ZDHHC21: variants seen among roughly 807,000 people sequenced by gnomAD.
ZDHHC21 encodes zDHHC palmitoyltransferase 21.
A neutral mutation model predicts 34.6 loss-of-function variants in ZDHHC21; 15 were observed. The ratio of observed to expected loss-of-function variants is 0.43; its 90% CI spans 0.29 to 0.67. The LOEUF (loss-of-function observed/expected upper bound fraction) is 0.67. Among genes scored for constraint, ZDHHC21 ranks in the 30% least tolerant of loss-of-function variants. ZDHHC21 has a pLI of 0.14. For missense variants in ZDHHC21, 344 were observed against 327.7 expected (o/e 1.05, Z -0.38); for synonymous variants, 142 against 101.8 (o/e 1.40, Z -2.38).
chr9:14,688,322 G>A (rs942517801), intron 2 of ZDHHC21, among the ~76,000 whole-genome samples: 7 of 150,876 alleles, frequency 4.6e-5, no homozygotes, highest in East Asian at 1.9e-4. Context: ...ACAGGGGAGC[G>A]AAGGAGAGAG....
intron 1 of ZDHHC21, among the ~76,000 whole-genome samples, chr9:14,692,609 A>T (rs2131739552): frequency 7.0e-6 from 1 of 142,956 alleles, no homozygotes; most frequent in South Asian, 2.5e-4. Flanking sequence ...ACTTAAATGG[A>T]CTCTGCAGTT....
chr9:14,666,051 G>A (rs1247773631), intron 5 of ZDHHC21, among the ~76,000 whole-genome samples: 1 of 149,968 alleles, frequency 6.7e-6, no homozygotes, highest in East Asian at 2.0e-4. Flanking sequence ...GACACAGACT[G>A]GCAAATTGGA....
At chr9:14,595,294 T>C in the ZDHHC21 span, among the ~76,000 whole-genome samples, 2 of 152,248 alleles carry the variant, frequency 1.3e-5, no homozygotes, top group East Asian at 3.9e-4. Flanking sequence ...AAGCAAAATG[T>C]GGCATATTCA....
chr9:14,611,198 GA>G lies in ZDHHC21; in HGVS notation c.*7767del, dbSNP rs1377760447. ...TGCAAAGAAAATAGAAATATTACGT[GA>G]AAAAAACTAAATCGCTACAATAAAT... On this transcript the variant is annotated 3_prime_UTR_variant, in exon 10 of 10. Coordinates refer to ENST00000380916, the MANE Select transcript of ZDHHC21 (RefSeq NM_178566.6). The G allele has an allele frequency of 4.6e-5, 7 of 151,828 alleles. No individual in the cohort carries two copies. Among genetic ancestry groups the G allele is most frequent in the Admixed American group, 2.0e-4 (3 of 15,208 alleles). 9.4% of individuals were successfully genotyped at this position (151,828 alleles called of 1,614,324 possible). A position where few individuals can be genotyped will look rare whatever the true frequency, so the allele number is the denominator to read the frequency against.
chr9:14,604,700 T>C, the ZDHHC21 span, among the ~76,000 whole-genome samples: 1 of 152,214 alleles, frequency 6.6e-6, no homozygotes, highest in East Asian at 1.9e-4. Context: ...TTACTTTTTA[T>C]TGTGGCAAAA....
Position 14,645,958 on chromosome 9 carries a change from G to A in ZDHHC21, c.505-5946C>T, listed in dbSNP as rs182469989. On this transcript the variant is annotated intron_variant, in intron 7 of 9. Coordinates refer to ENST00000380916, the MANE Select transcript of ZDHHC21 (RefSeq NM_178566.6). ...CAGAATTCATATACTCTACTGGTAGGAGTTTAAATGGGTGCAACTATTTTG... is the reference window on the plus strand; with the variant it reads ...CAGAATTCATATACTCTACTGGTAGAAGTTTAAATGGGTGCAACTATTTTG... 2.6e-5 allele frequency among the ~76,000 whole-genome samples: 4 copies of A among 152,220 alleles called. No homozygotes were observed. In the East Asian group the frequency reaches 7.7e-4, roughly 29 times the overall value.
chr9:14,691,833 C>T (rs1022992454), intron 1 of ZDHHC21, among the ~76,000 whole-genome samples: 2 of 152,228 alleles, frequency 1.3e-5, no homozygotes, highest in East Asian at 1.9e-4. Flanking sequence ...ACTAATACTT[C>T]GTATATGTTT....
rs1824034273 is a variant in ZDHHC21, at chr9:14,615,708, T to C, written c.*3258A>G. 6.6e-6 allele frequency: 1 copy of C among 151,606 alleles called. No homozygotes were observed. The highest frequency in any genetic ancestry group is 6.6e-5 in the Admixed American group (1 of 15,174). 9.4% of individuals were successfully genotyped at this position (151,606 alleles called of 1,614,324 possible). ...AAGCCTACATGAAGCCCATAAACAT[T>C]TTTGTTTGCAGAAAACAACAATGAC... On this transcript the variant is annotated 3_prime_UTR_variant, in exon 10 of 10. Coordinates refer to ENST00000380916, the MANE Select transcript of ZDHHC21 (RefSeq NM_178566.6).
the ZDHHC21 span, among the ~76,000 whole-genome samples, chr9:14,600,446 G>A: frequency 1.3e-5 from 2 of 152,142 alleles, no homozygotes; most frequent in East Asian, 3.9e-4. Flanking sequence ...AACTTACAAG[G>A]AATGTGAAGG....
intron 5 of ZDHHC21, among the ~76,000 whole-genome samples, chr9:14,664,625 G>C (rs1000872939): frequency 8.0e-5 from 12 of 150,740 alleles, no homozygotes; most frequent in Admixed American, 6.6e-4. Flanking sequence ...TTTGAAGAGA[G>C]CAGTGGTTCT....
chr9:14,685,909 C>T (rs1838234277), intron 2 of ZDHHC21, among the ~76,000 whole-genome samples: 4 of 152,130 alleles, frequency 2.6e-5, no homozygotes, highest in Admixed American at 2.6e-4. Context: ...TTTGTAGGGA[C>T]ACGGATGAAG....
At chr9:14,657,180 A>G (rs1027016383) in intron 7 of ZDHHC21, among the ~76,000 whole-genome samples, 1 of 152,098 alleles carries the variant, frequency 6.6e-6, no homozygotes, top group Non-Finnish European at 1.5e-5. Flanking sequence ...TTGGTCATCA[A>G]TCTTCCAGTA....
intron 8 of ZDHHC21, among the ~76,000 whole-genome samples, chr9:14,629,565 G>A (rs574603793): frequency 9.9e-5 from 15 of 152,256 alleles, no homozygotes; most frequent in Non-Finnish European, 2.1e-4. Context: ...TCTATGAAGT[G>A]TACAACAGCA....
chr9:14,664,837 A>C (rs1340980682), intron 5 of ZDHHC21, among the ~76,000 whole-genome samples: 1 of 151,386 alleles, frequency 6.6e-6, no homozygotes, highest in Non-Finnish European at 1.5e-5. Flanking sequence ...CCACACCGAA[A>C]ACCCATCTGT....
the ZDHHC21 span, among the ~76,000 whole-genome samples, chr9:14,602,135 T>C: frequency 3.3e-5 from 5 of 151,646 alleles, no homozygotes; most frequent in Non-Finnish European, 5.9e-5. Flanking sequence ...ATCCCAGAAC[T>C]TAAAGTATAA....
intron 7 of ZDHHC21, among the ~76,000 whole-genome samples, chr9:14,644,423 G>A (rs1425187656): frequency 6.6e-6 from 1 of 151,948 alleles, no homozygotes; most frequent in Non-Finnish European, 1.5e-5. Context: ...TGGTGATAGT[G>A]GGGGCATCAA....
chr9:14,608,129 A>G (rs1823074843), downstream of ZDHHC21, among the ~76,000 whole-genome samples: 1 of 152,184 alleles, frequency 6.6e-6, no homozygotes, highest in Non-Finnish European at 1.5e-5. Context: ...CCTGTTTAAC[A>G]TAATGAGGAT....
intron 8 of ZDHHC21, among the ~76,000 whole-genome samples, chr9:14,630,878 C>G (rs1827219959): frequency 6.6e-6 from 1 of 152,192 alleles, no homozygotes; most frequent in Non-Finnish European, 1.5e-5. Flanking sequence ...GCAAGCCATG[C>G]TGTAAACAGA....
At chr9:14,689,458 C>G (rs184018094) in intron 2 of ZDHHC21, among the ~76,000 whole-genome samples, 69 of 152,152 alleles carry the variant, frequency 4.5e-4, no homozygotes, top group Non-Finnish European at 8.2e-4. Flanking sequence ...AAAATACTTG[C>G]ACTATCAATG....
Sources: gnomAD v4.1 joint callset for allele counts (sites outside exome capture counted in the v4.1 genomes callset) on GRCh38, gnomAD v4.1.1 for gene constraint, MANE v1.5 for transcripts, NCBI Gene and HGNC (gene_info 2026-07-23, HGNC 2026-07-21) for gene names.